FAM89A: variants seen among roughly 807,000 people sequenced by gnomAD.
The protein encoded by FAM89A is protein FAM89A.
Under a neutral mutation model 7.1 loss-of-function variants are expected in FAM89A, and 10 were observed. The observed-to-expected ratio is 1.40, with a 90% CI of 0.86 to 2.38. FAM89A has a LOEUF of 2.38. Ranked by LOEUF, FAM89A falls within the 30% of genes most tolerant of loss-of-function variation. The probability of loss-of-function intolerance (pLI) is 0.00; values close to 1 mark genes in which losing one functional copy is unlikely to be tolerated. For synonymous variants in FAM89A, 157 were observed against 129.3 expected (o/e 1.21, Z -1.45); for missense variants, 276 against 262.8 (o/e 1.05, Z -0.35).
chr1:231,019,725 A>G lies in FAM89A; in HGVS notation c.*138T>C, dbSNP rs2103068625. 2.1e-6 allele frequency: 2 copies of G among 941,902 alleles called. No individual in the cohort carries two copies. Among genetic ancestry groups the G allele is most frequent in the Non-Finnish European group, 1.6e-6 (1 of 639,488 alleles). 58.3% of individuals were successfully genotyped at this position (941,902 alleles called of 1,614,324 possible). A position where few individuals can be genotyped will look rare whatever the true frequency, so the allele number is the denominator to read the frequency against. On this transcript the variant is annotated 3_prime_UTR_variant, in exon 2 of 2. Coordinates refer to ENST00000366654, the MANE Select transcript of FAM89A (RefSeq NM_198552.3). Reference sequence around the variant, plus strand: ...ATCCGCGGAGAACTCCCTGCCTACAAATGAAACTGGTAGCGCTCATCCCCT... The same window carrying G: ...ATCCGCGGAGAACTCCCTGCCTACAGATGAAACTGGTAGCGCTCATCCCCT...
chr1:231,034,590 T>C (rs1680127986), intron 1 of FAM89A, among the ~76,000 whole-genome samples: 1 of 151,880 alleles, frequency 6.6e-6, no homozygotes, highest in African/African-American at 2.4e-5. Context: ...CTGACCAAGA[T>C]GGAGAAACCC....
In FAM89A at chr1:231,040,028, C is replaced by A. The variant is rs1322426340; in HGVS notation, c.184G>T (p.Asp62Tyr). 3 of 1,443,908 alleles carry A rather than the reference C, an allele frequency of 2.1e-6. No homozygotes were observed. In the African/African-American group the frequency reaches 4.4e-5, roughly 21 times the overall value. 89.4% of individuals were successfully genotyped at this position (1,443,908 alleles called of 1,614,324 possible). A position where few individuals can be genotyped will look rare whatever the true frequency, so the allele number is the denominator to read the frequency against. Residue 62 changes from aspartate (D) to tyrosine (Y), a missense_variant, in exon 1 of 2, where the codon GAC becomes TAC. Physicochemically the swap from Asp to Tyr is radical, Grantham distance 160 (BLOSUM62 -3). Coordinates refer to ENST00000366654, the MANE Select transcript of FAM89A (RefSeq NM_198552.3). ...RLYAQKSRIQ[D>Y]ELSRGGPGGG... ...CCCGGGCCCCCGCGGCTCAGCTCGT[C>A]CTGGATGCGCGACTTCTGCGCGTAC...
chr1:231,028,860 C>T (rs920290771), intron 1 of FAM89A: 2 of 152,226 alleles, frequency 1.3e-5, no homozygotes, highest in Admixed American at 6.5e-5. Flanking sequence ...CAGGTGGCCC[C>T]GAGAGCCACA....
At chr1:231,020,344 C>T (rs191276915) in intron 1 of FAM89A, among the ~76,000 whole-genome samples, 5 of 152,178 alleles carry the variant, frequency 3.3e-5, no homozygotes, top group South Asian at 2.1e-4. Context: ...CAGTGAGGAT[C>T]GCATCTGTGG....
At position 231,028,729 on chromosome 1, in the gene FAM89A, T is replaced by C. The variant is rs774902264; in HGVS notation, c.292-8603A>G. ...ATTCAAGAACAATCAGCAGCTTCCA[T>C]GGCCGTAAACTGCGAGCGCAGGTCC... is the stretch of plus-strand genomic sequence containing the variant. On this transcript the variant is annotated intron_variant, in intron 1 of 1. Coordinates refer to ENST00000366654, the MANE Select transcript of FAM89A (RefSeq NM_198552.3). The C allele has an allele frequency of 3.3e-5, 5 of 152,276 alleles. No individual in the cohort carries two copies. The East Asian group carries it at 5.8e-4, about 18-fold the overall frequency. The allele number at this position is 152,276 out of a possible 1,614,324, so 9.4% of individuals were successfully genotyped here.
rs1680233228 is a variant in FAM89A at position 231,040,005 on chromosome 1, C to A, written c.207G>T (p.Pro69=). The part of the protein sequence containing the change: ...RIQDELSRGG[P]GGGGARAAAL... ...CTGCCGCCCGGGCCCCGCCGCCGCCCGGGCCCCCGCGGCTCAGCTCGTCCT... is the reference window on the plus strand; with the variant it reads ...CTGCCGCCCGGGCCCCGCCGCCGCCAGGGCCCCCGCGGCTCAGCTCGTCCT... Residue 69 remains proline, a synonymous_variant, in exon 1 of 2, where the codon CCG becomes CCT. Coordinates refer to ENST00000366654, the MANE Select transcript of FAM89A (RefSeq NM_198552.3). 3 of 1,408,416 alleles carry A rather than the reference C, an allele frequency of 2.1e-6. No individual in the cohort carries two copies. Among genetic ancestry groups the A allele is most frequent in the Middle Eastern group, 2.6e-4 (1 of 3,916 alleles). 87.2% of individuals were successfully genotyped at this position (1,408,416 alleles called of 1,614,324 possible).
intron 1 of FAM89A, chr1:231,026,805 G>A (rs1216394215): frequency 2.6e-5 from 4 of 152,046 alleles, no homozygotes; most frequent in Non-Finnish European, 5.9e-5. Flanking sequence ...CAGCTCTGAC[G>A]TCCCTATCTT....
intron 1 of FAM89A, among the ~76,000 whole-genome samples, chr1:231,037,411 A>G (rs1680174621): frequency 6.6e-6 from 1 of 152,096 alleles, no homozygotes; most frequent in East Asian, 1.9e-4. Context: ...TCCCCTTTTC[A>G]TCATCTTCCT....
At chr1:231,030,639 C>T (rs1304334321) in intron 1 of FAM89A, among the ~76,000 whole-genome samples, 1 of 151,964 alleles carries the variant, frequency 6.6e-6, no homozygotes, top group Non-Finnish European at 1.5e-5. Flanking sequence ...ATTATAAATT[C>T]AAATGGTTCG....
At chr1:231,021,585 G>C (rs1679878828) in intron 1 of FAM89A, 1 of 1,333,626 alleles carries the variant, frequency 7.5e-7, no homozygotes, top group Non-Finnish European at 1.1e-6. Context: ...TTTTCTGTTA[G>C]GAAACGAAAG....
intron 1 of FAM89A, chr1:231,021,543 C>A: frequency 2.2e-6 from 2 of 911,026 alleles, no homozygotes; most frequent in Non-Finnish European, 1.7e-6. Context: ...GAACATTCGA[C>A]TTCCCTGCAA....
chr1:231,033,622 G>A (rs551640793), intron 1 of FAM89A, among the ~76,000 whole-genome samples: 158 of 152,236 alleles, frequency 1.0e-3, no homozygotes, highest in Non-Finnish European at 1.8e-3. Flanking sequence ...ATGAAGAGGT[G>A]CCCACACTGC....
chr1:231,029,997 G>A (rs1441909353), intron 1 of FAM89A, among the ~76,000 whole-genome samples: 1 of 152,206 alleles, frequency 6.6e-6, no homozygotes, highest in Admixed American at 6.5e-5. Context: ...GCCGAAGAGA[G>A]ACTTCATCAG....
chr1:231,039,864 T>C (rs1680228264), intron 1 of FAM89A, 57 bp downstream of exon 1: 2 of 1,270,730 alleles, frequency 1.6e-6, no homozygotes, highest in African/African-American at 1.6e-5. Flanking sequence ...CCCCGCGAAC[T>C]TTCCCGGGAC....
At chr1:231,036,923 A>G (rs1680164553) in intron 1 of FAM89A, among the ~76,000 whole-genome samples, 1 of 152,252 alleles carries the variant, frequency 6.6e-6, no homozygotes, top group African/African-American at 2.4e-5. Context: ...ATTGATTATT[A>G]AGCTTCAAAA....
intron 1 of FAM89A, among the ~76,000 whole-genome samples, chr1:231,025,779 A>G (rs1679958602): frequency 2.6e-5 from 4 of 152,098 alleles, no homozygotes; most frequent in Admixed American, 2.6e-4. Flanking sequence ...AAGAAAAGTC[A>G]GTCAGTTTAG....
chr1:231,035,260 C>CT (rs895667832), intron 1 of FAM89A, among the ~76,000 whole-genome samples: 6 of 151,930 alleles, frequency 3.9e-5, no homozygotes, highest in East Asian at 3.9e-4. Context: ...ACAAATTCAA[C>CT]TTTTTTTTTC....
At chr1:231,031,086 G>A (rs1680060657) in intron 1 of FAM89A, among the ~76,000 whole-genome samples, 1 of 151,226 alleles carries the variant, frequency 6.6e-6, no homozygotes, top group African/African-American at 2.4e-5. Flanking sequence ...CTCCAGCCTG[G>A]GCAACAGAGT....
rs6686282 is a variant in FAM89A, at chr1:231,034,772, C to T, written c.291+5149G>A. Among the ~76,000 whole-genome samples, 153 of 70,874 alleles carry T rather than the reference C, an allele frequency of 2.2e-3. 2 individuals carry two copies. The highest frequency in any genetic ancestry group is 0.02 in the South Asian group (41 of 2,034). The allele number at this position is 70,874 out of a possible 152,430, so 46.5% of individuals were successfully genotyped here. ...GGGCAACAAGATAGAAACTCTGTCTCAAAAAAAAAAAAAAAAAAAAAAAGG... is the reference window on the plus strand; with the variant it reads ...GGGCAACAAGATAGAAACTCTGTCTTAAAAAAAAAAAAAAAAAAAAAAAGG... On this transcript the variant is annotated intron_variant, in intron 1 of 1. Transcript: ENST00000366654.
Sources: allele counts gnomAD v4.1 joint callset (sites outside exome capture counted in the v4.1 genomes callset), GRCh38; gene constraint gnomAD v4.1.1; transcripts MANE v1.5; gene names NCBI Gene and HGNC (gene_info 2026-07-23, HGNC 2026-07-21).